Variants in LRRC4C observed in about 807,000 individuals in gnomAD.
LRRC4C encodes leucine rich repeat containing 4C, also known as leucine-rich repeat-containing protein 4C.
In LRRC4C, 5 loss-of-function variants were observed where a neutral mutation model predicts 33.6. The ratio of observed to expected loss-of-function variants is 0.15; its 90% CI spans 0.08 to 0.31. LRRC4C has a LOEUF of 0.31. Among genes scored for constraint, LRRC4C ranks in the 10% least tolerant of loss-of-function variants. The pLI is 1.00. For synonymous variants in LRRC4C, 329 were observed against 302.0 expected (o/e 1.09, Z -0.93); for missense variants, 560 against 796.7 (o/e 0.70, Z 3.58).
At chr11:41,371,607 A>C in intron 1 of LRRC4C, among the ~76,000 whole-genome samples, 1 of 152,238 alleles carries the variant, frequency 6.6e-6, no homozygotes, top group East Asian at 1.9e-4. Flanking sequence ...AGATTATCAA[A>C]TGGGGATAGT....
chr11:40,894,169 T>A (rs1955841125), intron 2 of LRRC4C, among the ~76,000 whole-genome samples: 1 of 152,162 alleles, frequency 6.6e-6, no homozygotes, highest in African/African-American at 2.4e-5. Flanking sequence ...TCCAGTAATT[T>A]CACCATAAAT....
intron 1 of LRRC4C, among the ~76,000 whole-genome samples, chr11:41,013,192 G>T (rs918965518): frequency 1.3e-5 from 2 of 152,206 alleles, no homozygotes; most frequent in African/African-American, 4.8e-5. Context: ...AAACCATTCA[G>T]TGCCTAGCAA....
intron 4 of LRRC4C, among the ~76,000 whole-genome samples, chr11:40,274,185 C>T (rs968385905): frequency 6.6e-6 from 1 of 151,850 alleles, no homozygotes; most frequent in Non-Finnish European, 1.5e-5. Context: ...TCCCCAAAAG[C>T]ATGAATACTT....
chr11:41,445,680 C>T lies in LRRC4C; in HGVS notation c.-496+13751G>A, dbSNP rs1053606390. Among the ~76,000 whole-genome samples the T allele has an allele frequency of 2.0e-5, 3 of 152,208 alleles. No individual in the cohort carries two copies. The East Asian group carries it at 5.8e-4, about 29-fold the overall frequency. ...CATCACTTAATCTTTTAATCTTCAGCCTTCCCATCTGTAATACGTGAACAA... is the reference window on the plus strand; with the variant it reads ...CATCACTTAATCTTTTAATCTTCAGTCTTCCCATCTGTAATACGTGAACAA... On this transcript the variant is annotated intron_variant, in intron 1 of 6. Transcript: ENST00000528697.
At chr11:41,313,058 A>T (rs1352084510) in intron 1 of LRRC4C, among the ~76,000 whole-genome samples, 1 of 152,212 alleles carries the variant, frequency 6.6e-6, no homozygotes, top group Non-Finnish European at 1.5e-5. Context: ...CAGCAAAGTA[A>T]GAGAAGGCCT....
intron 3 of LRRC4C, among the ~76,000 whole-genome samples, chr11:40,347,137 T>C (rs1013678219): frequency 6.6e-6 from 1 of 152,232 alleles, no homozygotes; most frequent in African/African-American, 2.4e-5. Flanking sequence ...ACTTGGACAA[T>C]TTGTTATTTA....
chr11:40,439,636 C>G (rs1391759611), intron 3 of LRRC4C, among the ~76,000 whole-genome samples: 2 of 151,570 alleles, frequency 1.3e-5, no homozygotes, highest in Non-Finnish European at 2.9e-5. Flanking sequence ...GTATTTTTAG[C>G]AGAGACGGGG....
At chr11:40,473,703 C>A (rs1953060804) in intron 3 of LRRC4C, among the ~76,000 whole-genome samples, 1 of 152,042 alleles carries the variant, frequency 6.6e-6, no homozygotes, top group Non-Finnish European at 1.5e-5. Context: ...TTTAGAAAAC[C>A]CCATCGTCTC....
At chr11:40,959,444 T>C (rs964192230) in intron 1 of LRRC4C, among the ~76,000 whole-genome samples, 14 of 151,780 alleles carry the variant, frequency 9.2e-5, no homozygotes, top group African/African-American at 3.4e-4. Flanking sequence ...ATTTTTATTA[T>C]AATATGCAGC....
At chr11:40,995,852 A>G (rs1853931559) in intron 1 of LRRC4C, among the ~76,000 whole-genome samples, 1 of 152,096 alleles carries the variant, frequency 6.6e-6, no homozygotes, top group African/African-American at 2.4e-5. Context: ...ATATCTCCAA[A>G]TTCATTTTTT....
intron 1 of LRRC4C, among the ~76,000 whole-genome samples, chr11:41,180,391 TA>T (rs1945394333): frequency 6.6e-6 from 1 of 152,172 alleles, no homozygotes; most frequent in Non-Finnish European, 1.5e-5. Context: ...AAAGGCATTG[TA>T]AAAAATTTAA....
In LRRC4C at chr11:40,579,056, G is replaced by A. The variant is rs187048380; in HGVS notation, c.-270+69086C>T. Among the ~76,000 whole-genome samples, 341 of 152,246 alleles carry A rather than the reference G, an allele frequency of 2.2e-3. 2 individuals carry two copies. The highest frequency in any genetic ancestry group is 4.0e-3 in the Non-Finnish European group (269 of 68,024). On this transcript the variant is annotated intron_variant, in intron 3 of 6. Transcript: ENST00000528697. ...CAGGTAATAGAAAGTACAATAAGTC[G>A]GCCGGGCGATGTGGCTCATGCTTTT...
chr11:40,992,249 C>T (rs1306157454), intron 1 of LRRC4C, among the ~76,000 whole-genome samples: 1 of 151,950 alleles, frequency 6.6e-6, no homozygotes, highest in Non-Finnish European at 1.5e-5. Context: ...TTAAACTAGA[C>T]AACTGTAAAA....
intron 2 of LRRC4C, among the ~76,000 whole-genome samples, chr11:40,747,757 C>T (rs979089816): frequency 3.3e-5 from 5 of 151,982 alleles, no homozygotes; most frequent in Admixed American, 1.3e-4. Flanking sequence ...AAAGAACTCA[C>T]TGAATGAAAA....
At chr11:41,395,888 A>C (rs1428285729) in intron 1 of LRRC4C, among the ~76,000 whole-genome samples, 1 of 152,058 alleles carries the variant, frequency 6.6e-6, no homozygotes, top group Non-Finnish European at 1.5e-5. Flanking sequence ...TCAGGGAACT[A>C]AAAGTAGTTT....
At chr11:40,607,841 T>A (rs1412566219) in intron 3 of LRRC4C, among the ~76,000 whole-genome samples, 10 of 152,082 alleles carry the variant, frequency 6.6e-5, no homozygotes, top group Non-Finnish European at 1.5e-4. Context: ...CGCTGGGGCT[T>A]TGGGAGCTGT....
At chr11:41,163,072 A>T (rs912161961) in intron 1 of LRRC4C, among the ~76,000 whole-genome samples, 1 of 152,048 alleles carries the variant, frequency 6.6e-6, no homozygotes, top group Non-Finnish European at 1.5e-5. Flanking sequence ...TGATGGTTTT[A>T]TCAGAAGTAT....
At chr11:41,112,498 C>G (rs1941892521) in intron 1 of LRRC4C, among the ~76,000 whole-genome samples, 1 of 151,994 alleles carries the variant, frequency 6.6e-6, no homozygotes, top group South Asian at 2.1e-4. Context: ...TTACTATATT[C>G]CAAATTGAAT....
Position 40,655,975 on chromosome 11 carries a change from GA to G in LRRC4C, c.-406-7698del, listed in dbSNP as rs565067390. On this transcript the variant is annotated intron_variant, in intron 2 of 6. Transcript: ENST00000528697. Reference sequence around the variant, plus strand: ...ACACTTTTAAACCATCAGATTTCATGAGAACTCACTCACTGTCATGAGAACA... The same window carrying G: ...ACACTTTTAAACCATCAGATTTCATGGAACTCACTCACTGTCATGAGAACA... 2.4e-4 allele frequency among the ~76,000 whole-genome samples: 36 copies of G among 152,160 alleles called. No homozygotes were observed. The East Asian group carries it at 6.8e-3, about 29-fold the overall frequency.
Sources: allele counts gnomAD v4.1 joint callset (sites outside exome capture counted in the v4.1 genomes callset), GRCh38; gene constraint gnomAD v4.1.1; transcripts MANE v1.5; gene names NCBI Gene and HGNC (gene_info 2026-07-23, HGNC 2026-07-21).